VWA8: variants seen among roughly 807,000 people sequenced by gnomAD.
VWA8 encodes von Willebrand factor A domain containing 8, also known as von Willebrand factor A domain-containing protein 8.
In VWA8, 221 loss-of-function variants were observed where a neutral mutation model predicts 241.5. The ratio of observed to expected loss-of-function variants is 0.91; its 90% confidence interval spans 0.82 to 1.02. The LOEUF is 1.02. Ranked by LOEUF, VWA8 falls within the 50% of genes least tolerant of loss-of-function variation. The pLI, the probability that VWA8 is intolerant of heterozygous loss-of-function variation, is 0.00. For missense variants in VWA8, 2,322 were observed against 2,328.7 expected (o/e 1.00, Z 0.06); for synonymous variants, 852 against 827.1 (o/e 1.03, Z -0.52).
At chr13:41,608,250 G>A (rs968501737) in intron 39 of VWA8, among the ~76,000 whole-genome samples, 1 of 152,094 alleles carries the variant, frequency 6.6e-6, no homozygotes, top group Middle Eastern at 3.2e-3. Flanking sequence ...TCCAGATTGT[G>A]TCGGTTTTCA....
At chr13:41,840,791 CACA>C (rs1400005052) in intron 12 of VWA8, among the ~76,000 whole-genome samples, 2 of 150,698 alleles carry the variant, frequency 1.3e-5, no homozygotes, top group Non-Finnish European at 3.0e-5. Context: ...TCATGATGAT[CACA>C]ACATCAACAC....
chr13:41,740,015 C>T (rs943500766), intron 21 of VWA8, among the ~76,000 whole-genome samples: 11 of 151,656 alleles, frequency 7.3e-5, no homozygotes, highest in African/African-American at 2.2e-4. Flanking sequence ...CCACCATGCC[C>T]GGCTAATTTT....
chr13:41,620,585 C>T (rs760001451), intron 37 of VWA8, among the ~76,000 whole-genome samples: 7 of 151,966 alleles, frequency 4.6e-5, no homozygotes, highest in Non-Finnish European at 8.8e-5. Context: ...TAGATCTTTC[C>T]TGCTTTCTCT....
At chr13:41,735,145 G>A (rs771737243) in intron 21 of VWA8, among the ~76,000 whole-genome samples, 18 of 152,138 alleles carry the variant, frequency 1.2e-4, no homozygotes, top group Non-Finnish European at 2.5e-4. Flanking sequence ...TGTTCACACA[G>A]ATTGTTATAG....
intron 4 of VWA8, among the ~76,000 whole-genome samples, chr13:41,906,290 C>T (rs943788471): frequency 3.9e-5 from 6 of 152,078 alleles, no homozygotes; most frequent in African/African-American, 7.2e-5. Context: ...TAAAGAACTA[C>T]GAAAGTCTCT....
intron 19 of VWA8, 45 bp downstream of exon 19, chr13:41,783,750 C>A: frequency 7.2e-7 from 1 of 1,394,754 alleles, no homozygotes; most frequent in South Asian, 1.2e-5. Flanking sequence ...AGTGTACTAC[C>A]ACAATTTAAG....
intron 2 of VWA8, among the ~76,000 whole-genome samples, chr13:41,931,797 T>G (rs1877137242): frequency 6.6e-6 from 1 of 151,982 alleles, no homozygotes; most frequent in South Asian, 2.1e-4. Flanking sequence ...GTATCAAAAA[T>G]TTTAGCATTC....
intron 12 of VWA8, among the ~76,000 whole-genome samples, chr13:41,851,078 T>C (rs753645331): frequency 2.0e-5 from 3 of 152,236 alleles, no homozygotes; most frequent in Non-Finnish European, 4.4e-5. Flanking sequence ...TATGGTATTA[T>C]CACCTATAAT....
intron 2 of VWA8, among the ~76,000 whole-genome samples, chr13:41,936,941 A>G (rs1877379012): frequency 6.6e-6 from 1 of 152,194 alleles, no homozygotes; most frequent in Non-Finnish European, 1.5e-5. Context: ...ATTATACTGG[A>G]ATTGAAGCAT....
intron 37 of VWA8, among the ~76,000 whole-genome samples, chr13:41,636,700 A>ATT (rs746226975): frequency 0.032 from 4,931 of 152,286 alleles, 90 homozygotes; most frequent in South Asian, 0.078. Flanking sequence ...AGAATCTACA[A>ATT]TGAACTCAAA....
chr13:41,838,164 G>C (rs1399956385), intron 12 of VWA8, among the ~76,000 whole-genome samples: 3 of 152,102 alleles, frequency 2.0e-5, no homozygotes, highest in Non-Finnish European at 4.4e-5. Context: ...GCAATGATAT[G>C]CTTTAAATGT....
intron 5 of VWA8, among the ~76,000 whole-genome samples, chr13:41,890,216 C>A (rs1874765488): frequency 6.6e-6 from 1 of 152,170 alleles, no homozygotes; most frequent in African/African-American, 2.4e-5. Context: ...TTATTTAGGG[C>A]CTAGTGTGTT....
chr13:41,582,148 T>G (rs1043414987), intron 42 of VWA8, among the ~76,000 whole-genome samples: 1 of 152,170 alleles, frequency 6.6e-6, no homozygotes, highest in Admixed American at 6.5e-5. Flanking sequence ...GGAGCAATTA[T>G]GAGAAACTTT....
At chr13:41,679,089 T>C (rs1471632463) in intron 35 of VWA8, among the ~76,000 whole-genome samples, 1 of 152,186 alleles carries the variant, frequency 6.6e-6, no homozygotes, top group African/African-American at 2.4e-5. Flanking sequence ...GTTTTAACAC[T>C]GGAGTGAGGA....
At chr13:41,872,032 T>C (rs1873651568) in intron 9 of VWA8, among the ~76,000 whole-genome samples, 1 of 152,248 alleles carries the variant, frequency 6.6e-6, no homozygotes, top group Non-Finnish European at 1.5e-5. Flanking sequence ...ATTGTGGTTT[T>C]GATCTGCATT....
At chr13:41,777,009 A>G (rs572612497) in intron 20 of VWA8, among the ~76,000 whole-genome samples, 32 of 152,328 alleles carry the variant, frequency 2.1e-4, no homozygotes, top group African/African-American at 7.5e-4. Context: ...TTAATTTAAG[A>G]CCAATTTAAA....
At chr13:41,792,234 T>C (rs983655117) in intron 17 of VWA8, among the ~76,000 whole-genome samples, 1 of 150,960 alleles carries the variant, frequency 6.6e-6, no homozygotes, top group Non-Finnish European at 1.5e-5. Flanking sequence ...TGAATGCCAG[T>C]GCTTTCTTAA....
rs554098736 is a variant in VWA8, at chr13:41,637,129, G to A, written c.4612-22045C>T. On this transcript the variant is annotated intron_variant, in intron 37 of 44. Coordinates refer to ENST00000379310, the MANE Select transcript of VWA8 (RefSeq NM_015058.2). ...ACACATGCACAGGTATGTTTATTGC[G>A]GCACTATTCACAATAGCAGACTTGG... Among the ~76,000 whole-genome samples the A allele has an allele frequency of 6.6e-5, 10 of 151,474 alleles. No homozygotes were observed. The East Asian group carries it at 1.5e-3, about 23-fold the overall frequency.
intron 41 of VWA8, among the ~76,000 whole-genome samples, chr13:41,588,256 C>T (rs1401376894): frequency 6.6e-6 from 1 of 152,198 alleles, no homozygotes; most frequent in Non-Finnish European, 1.5e-5. Context: ...CTCTTCCTTC[C>T]ACATTACTGA....
Sources: allele counts gnomAD v4.1 joint callset (sites outside exome capture counted in the v4.1 genomes callset), GRCh38; gene constraint gnomAD v4.1.1; transcripts MANE v1.5; gene names NCBI Gene and HGNC (gene_info 2026-07-23, HGNC 2026-07-21).